NHSL1: variants seen among roughly 807,000 people sequenced by gnomAD.
NHSL1 encodes NHS-like protein 1.
NHSL1 carries 48 observed loss-of-function variants against 95.0 expected under a neutral mutation model. That is an observed-to-expected ratio of 0.51 (90% CI 0.40 to 0.64). The LOEUF is 0.64. Ranked by LOEUF, NHSL1 falls within the 30% of genes least tolerant of loss-of-function variation. The pLI is 0.00. For synonymous variants in NHSL1, 783 were observed against 833.9 expected (o/e 0.94, Z 1.05); for missense variants, 1,971 against 2,077.7 (o/e 0.95, Z 1.00).
chr6:138,601,682 C>A (rs1057482514), intron 1 of NHSL1, among the ~76,000 whole-genome samples: 2 of 151,966 alleles, frequency 1.3e-5, no homozygotes, highest in African/African-American at 4.8e-5. Context: ...TGTAGTGGCA[C>A]GCACATGTAG....
chr6:138,671,270 A>T (rs1785365741), intron 1 of NHSL1, among the ~76,000 whole-genome samples: 1 of 152,012 alleles, frequency 6.6e-6, no homozygotes. Flanking sequence ...CAGCCTGGCC[A>T]ACATGGTGAA....
chr6:138,459,799 T>C (rs149073235), intron 3 of NHSL1, among the ~76,000 whole-genome samples: 62 of 152,322 alleles, frequency 4.1e-4, no homozygotes, highest in African/African-American at 1.4e-3. Context: ...TGTCAATATC[T>C]ACAGTTTTGA....
intron 1 of NHSL1, among the ~76,000 whole-genome samples, chr6:138,680,506 T>C (rs1270073141): frequency 1.3e-5 from 2 of 152,226 alleles, no homozygotes; most frequent in Non-Finnish European, 2.9e-5. Flanking sequence ...AGAAAGCAAT[T>C]CACATTTAGC....
chr6:138,480,232 G>A (rs1007105586), intron 2 of NHSL1, among the ~76,000 whole-genome samples: 3 of 152,102 alleles, frequency 2.0e-5, no homozygotes, highest in Non-Finnish European at 2.9e-5. Context: ...CCAGAAAGTC[G>A]GTTTTCTGTA....
At chr6:138,680,924 C>A (rs1257444756) in intron 1 of NHSL1, among the ~76,000 whole-genome samples, 1 of 152,190 alleles carries the variant, frequency 6.6e-6, no homozygotes, top group Non-Finnish European at 1.5e-5. Flanking sequence ...GCCCCCTTTA[C>A]CTTTCTTAAT....
intron 1 of NHSL1, among the ~76,000 whole-genome samples, chr6:138,543,168 C>G (rs1165292385): frequency 1.3e-5 from 2 of 152,018 alleles, no homozygotes; most frequent in African/African-American, 4.8e-5. Flanking sequence ...AATTCACTTC[C>G]CAGACCATAA....
chr6:138,536,798 C>A (rs1782372006), intron 1 of NHSL1, among the ~76,000 whole-genome samples: 1 of 151,998 alleles, frequency 6.6e-6, no homozygotes, highest in South Asian at 2.1e-4. Flanking sequence ...CAACTCCAGA[C>A]ATATGTCATC....
rs115053752 is a variant in NHSL1 at position 138,432,596 on chromosome 6, G to A, written c.1749C>T (p.Ser583=). ...PGYSTPTSNM[S]SCSLDQTSNK... The stretch of plus-strand genomic sequence containing the variant: ...TGGACGTTTGGTCCAAACTGCAGCT[G>A]CTCATGTTACTTGTGGGAGTGGAAT... Residue 583 remains serine (S), a synonymous_variant, in exon 6 of 8, where the codon AGC becomes AGT. Coordinates refer to ENST00000343505, the MANE Select transcript of NHSL1 (RefSeq NM_001144060.2). The surrounding 1 kb of genome is among the most constrained non-coding windows in gnomAD (Gnocchi z 4.4). 1.2e-4 allele frequency: 186 copies of A among 1,551,714 alleles called. No homozygotes were observed. In the African/African-American group the frequency reaches 2.3e-3, roughly 19 times the overall value.
intron 1 of NHSL1, among the ~76,000 whole-genome samples, chr6:138,688,536 C>A (rs1025224017): frequency 6.6e-6 from 1 of 151,896 alleles, no homozygotes; most frequent in Non-Finnish European, 1.5e-5. Context: ...CCCAGCTACT[C>A]AGGAGGATGA....
intron 1 of NHSL1, among the ~76,000 whole-genome samples, chr6:138,597,817 G>A (rs934688663): frequency 4.6e-5 from 7 of 152,114 alleles, no homozygotes; most frequent in African/African-American, 1.4e-4. Flanking sequence ...ATGAATAGAT[G>A]TATTATATTG....
At chr6:138,426,380 G>C (rs1220358720) in intron 7 of NHSL1, among the ~76,000 whole-genome samples, 1 of 152,176 alleles carries the variant, frequency 6.6e-6, no homozygotes, top group Non-Finnish European at 1.5e-5. Flanking sequence ...TGAAGATTAA[G>C]TGAAATAAAG....
At chr6:138,459,293 T>TC (rs1323388412) in intron 3 of NHSL1, among the ~76,000 whole-genome samples, 1 of 152,224 alleles carries the variant, frequency 6.6e-6, no homozygotes, top group Non-Finnish European at 1.5e-5. Flanking sequence ...GACCATATAG[T>TC]ATTTTTTAAA....
chr6:138,469,198 A>G (rs917294512), intron 3 of NHSL1, among the ~76,000 whole-genome samples: 1 of 152,160 alleles, frequency 6.6e-6, no homozygotes, highest in African/African-American at 2.4e-5. Flanking sequence ...AGTAGCAATA[A>G]CTCAAAGAAT....
intron 1 of NHSL1, among the ~76,000 whole-genome samples, chr6:138,588,356 G>T (rs1334152812): frequency 1.3e-5 from 2 of 152,194 alleles, no homozygotes; most frequent in Non-Finnish European, 2.9e-5. Context: ...CAGCAACTGG[G>T]GAGGTTGAGG....
At chr6:138,636,183 T>C (rs1182037021) in intron 1 of NHSL1, among the ~76,000 whole-genome samples, 2 of 151,250 alleles carry the variant, frequency 1.3e-5, no homozygotes, top group East Asian at 1.9e-4. Flanking sequence ...GTCATTTCAA[T>C]TGATGCTGAA....
intron 1 of NHSL1, among the ~76,000 whole-genome samples, chr6:138,586,314 C>T (rs62432526): frequency 0.037 from 5,609 of 152,142 alleles, 142 homozygotes; most frequent in Non-Finnish European, 0.054. Context: ...AGTCTGGTCT[C>T]GAACTCCTGA....
chr6:138,430,803 G>C lies in NHSL1; in HGVS notation c.3542C>G (p.Thr1181Ser). The C allele has an allele frequency of 6.4e-7, 1 of 1,551,318 alleles. No homozygotes were observed. The highest frequency in any genetic ancestry group is 8.7e-7 in the Non-Finnish European group (1 of 1,146,964). ...EAEARPSPST[T>S]PLPDSSPSRK... Reference sequence around the variant, plus strand: ...GCTGGGTGAAGAGTCTGGGAGTGGGGTGGTGCTGGGGCTGGGCCGAGCCTC... The same window carrying C: ...GCTGGGTGAAGAGTCTGGGAGTGGGCTGGTGCTGGGGCTGGGCCGAGCCTC... Residue 1181 changes from threonine to serine, a missense_variant, in exon 6 of 8, where the codon ACC becomes AGC. By Grantham distance (58) the Thr-to-Ser change is moderately conservative. Coordinates refer to ENST00000343505, the MANE Select transcript of NHSL1 (RefSeq NM_001144060.2). This position sits in a 1 kb window ranked among gnomAD's most constrained non-coding sequence, Gnocchi z 4.7.
At chr6:138,672,826 G>A (rs1048609416) in intron 1 of NHSL1, among the ~76,000 whole-genome samples, 5 of 152,134 alleles carry the variant, frequency 3.3e-5, no homozygotes, top group Admixed American at 6.5e-5. Context: ...AGACCAGCCT[G>A]GCCAACATGA....
chr6:138,491,727 A>C (rs905519800), intron 2 of NHSL1, among the ~76,000 whole-genome samples: 1 of 152,208 alleles, frequency 6.6e-6, no homozygotes, highest in Non-Finnish European at 1.5e-5. Flanking sequence ...GCCATTTTTA[A>C]ATCTGGGTAA....
Sources: gnomAD v4.1 joint callset for allele counts (sites outside exome capture counted in the v4.1 genomes callset) on GRCh38, gnomAD v4.1.1 for gene constraint, Gnocchi (gnomAD v3.1) non-coding constraint, MANE v1.5 for transcripts, NCBI Gene and HGNC (gene_info 2026-07-23, HGNC 2026-07-21) for gene names.